Variants in CHD2 observed in about 807,000 individuals in gnomAD.
CHD2 encodes the protein chromodomain helicase DNA binding protein 2, also known as ATP-dependent chromatin remodeler CHD2.
CHD2 carries 28 observed loss-of-function variants against 243.9 expected under a neutral mutation model. That is an observed-to-expected ratio of 0.11 (90% CI 0.09 to 0.16). CHD2 has a LOEUF of 0.16. CHD2 is among the 10% of genes least tolerant of loss of function. CHD2 has a pLI of 1.00. For synonymous variants in CHD2, 775 were observed against 779.0 expected (o/e 0.99, Z 0.09); for missense variants, 1,386 against 2,209.8 (o/e 0.63, Z 7.47).
chr15:92,932,289 C>CTT (rs34925592), intron 5 of CHD2, among the ~76,000 whole-genome samples: 29 of 139,892 alleles, frequency 2.1e-4, no homozygotes, highest in Middle Eastern at 3.5e-3. Context: ...AGTTGCACAT[C>CTT]TTTTTTTTTT....
chr15:92,940,386 G>T (rs1021414407), intron 7 of CHD2, among the ~76,000 whole-genome samples: 12 of 152,086 alleles, frequency 7.9e-5, no homozygotes, highest in African/African-American at 2.9e-4. Flanking sequence ...GATGGAGGTT[G>T]CAGTGAGTTG....
chr15:92,981,422 A>G lies in CHD2; in HGVS notation c.3031A>G (p.Thr1011Ala), dbSNP rs2053978897. 6.2e-7 allele frequency: 1 copy of G among 1,613,858 alleles called. No individual in the cohort carries two copies. The highest frequency in any genetic ancestry group is 8.5e-7 in the Non-Finnish European group (1 of 1,179,772). The change falls in exon 24 of 39, where the codon ACA becomes GCA. Residue 1011 changes from threonine (T) to alanine (A), a missense_variant. Physicochemically the swap from Thr to Ala is moderately conservative, Grantham distance 58 (BLOSUM62 0). Coordinates refer to ENST00000394196, the MANE Select transcript of CHD2 (RefSeq NM_001271.4). Reference sequence around the variant, plus strand: ...TGAAACGAGAGAGAATGAAGTGTCAACAAGTGCAACAGATGAACTTCTATC... The same window carrying G: ...TGAAACGAGAGAGAATGAAGTGTCAGCAAGTGCAACAGATGAACTTCTATC... Reference protein sequence around the residue: ...LAETRENEVSTSATDELLSQF... With the variant: ...LAETRENEVSASATDELLSQF...
At chr15:92,902,168 C>T (rs1163000528) in intron 2 of CHD2, 4 of 397,710 alleles carry the variant, frequency 1.0e-5, no homozygotes, top group Admixed American at 4.4e-5. Flanking sequence ...TGATGTATTT[C>T]GACAGAGTCG....
At chr15:93,003,412 C>A (rs16947324) in intron 33 of CHD2, among the ~76,000 whole-genome samples, 1 of 151,884 alleles carries the variant, frequency 6.6e-6, no homozygotes. Context: ...ATAGACCATA[C>A]TGTGATAAAT....
chr15:92,939,268 A>G (rs576604271), intron 6 of CHD2, among the ~76,000 whole-genome samples: 2 of 152,332 alleles, frequency 1.3e-5, no homozygotes, highest in South Asian at 4.1e-4. Flanking sequence ...AAGAGATACT[A>G]TCATGAACAA....
rs760029815 is a variant in CHD2, at chr15:92,971,819, A to G, written c.2244A>G (p.Thr748=). 1.9e-6 allele frequency: 3 copies of G among 1,613,998 alleles called. No homozygotes were observed. Among genetic ancestry groups the G allele is most frequent in the Admixed American group, 3.3e-5 (2 of 60,016 alleles). ...KALAKGTRGS[T]SGFLNIVMEL... is the part of the protein sequence containing the mutation. The stretch of plus-strand genomic sequence containing the variant: ...TTGCCAAAGGAACAAGAGGCAGCAC[A>G]TCTGGTTTTCTTAATATTGTGATGG... Residue 748 remains threonine, a synonymous_variant, in exon 18 of 39, where the codon ACA becomes ACG. Coordinates refer to ENST00000394196, the MANE Select transcript of CHD2 (RefSeq NM_001271.4).
chr15:93,000,513 C>G lies in CHD2; in HGVS notation c.4010C>G (p.Ala1337Gly). Residue 1337 changes from alanine to glycine, a missense_variant and splice_region_variant, in exon 32 of 39, where the codon GCC becomes GGC. Transcript: ENST00000394196. ...TCATCATTTTCTCTCCTTTTCCAGG[C>G]CAAATTAAAGAAGCGGAAGCCTCGG... ...KKGAVTGGEE[A>G]KLKKRKPRVK... 1 of 1,604,490 alleles carries G rather than the reference C, an allele frequency of 6.2e-7. No individual in the cohort carries two copies. The highest frequency in any genetic ancestry group is 8.5e-7 in the Non-Finnish European group (1 of 1,176,214).
At chr15:92,922,250 A>G (rs1193491994) in intron 2 of CHD2, among the ~76,000 whole-genome samples, 2 of 151,788 alleles carry the variant, frequency 1.3e-5, no homozygotes, top group Non-Finnish European at 1.5e-5. Context: ...GCCAAGTTAC[A>G]TAAAAGAGGT....
At chr15:92,950,543 G>A (rs937152751) in intron 13 of CHD2, 25 of 152,000 alleles carry the variant, frequency 1.6e-4, no homozygotes, top group African/African-American at 6.0e-4. Context: ...TCCTTATTTA[G>A]AATTAGAAGT....
chr15:92,945,804 A>AT lies in CHD2; in HGVS notation c.1154-11dup. 2 of 1,516,416 alleles carry AT rather than the reference A, an allele frequency of 1.3e-6. No individual in the cohort carries two copies. Among genetic ancestry groups the AT allele is most frequent in the Admixed American group, 2.1e-5 (1 of 48,184 alleles). The allele number at this position is 1,516,416 out of a possible 1,614,324, so 93.9% of individuals were successfully genotyped here. ...ATTGTGTTTATAACTTTTCTGTCTTATTTTTTATTTGTTTAGCTGTGAAGA... is the reference window on the plus strand; with the variant it reads ...ATTGTGTTTATAACTTTTCTGTCTTATTTTTTTATTTGTTTAGCTGTGAAGA... On this transcript the variant is annotated splice_polypyrimidine_tract_variant and intron_variant, in intron 10 of 38. Coordinates refer to ENST00000394196, the MANE Select transcript of CHD2 (RefSeq NM_001271.4).
intron 34 of CHD2, 116 bp downstream of exon 34, chr15:93,004,867 GA>G: frequency 9.5e-7 from 1 of 1,054,026 alleles, no homozygotes; most frequent in East Asian, 2.6e-5. Flanking sequence ...CATTACTTGG[GA>G]AACACATTGC....
chr15:92,962,176 G>A (rs776583937), intron 16 of CHD2, among the ~76,000 whole-genome samples: 3 of 151,668 alleles, frequency 2.0e-5, no homozygotes, highest in East Asian at 1.9e-4. Context: ...CCCCGTGCCC[G>A]GACCCTCTGT....
In CHD2 at chr15:93,024,509, C is replaced by G. The variant is rs1261364517; in HGVS notation, c.5291C>G (p.Ser1764Cys). 2.5e-6 allele frequency: 4 copies of G among 1,614,102 alleles called. No homozygotes were observed. The highest frequency in any genetic ancestry group is 3.4e-6 in the Non-Finnish European group (4 of 1,180,056). The change falls in exon 39 of 39, where the codon TCT becomes TGT. Residue 1764 changes from serine to cysteine, a missense_variant. Ser to Cys is a moderately radical substitution (Grantham distance 112, BLOSUM62 -1). This residue lies in a region of CHD2 where 347 missense variants were observed against 341.6 expected (regional missense o/e 1.02). Coordinates refer to ENST00000394196, the MANE Select transcript of CHD2 (RefSeq NM_001271.4). Reference protein sequence around the residue: ...HGQGPSDHYRSFHTDKLGEYK... With the variant: ...HGQGPSDHYRCFHTDKLGEYK... Reference sequence around the variant, plus strand: ...CAGGGACCCTCAGACCATTACCGCTCTTTCCACACAGATAAACTGGGGGAA... The same window carrying G: ...CAGGGACCCTCAGACCATTACCGCTGTTTCCACACAGATAAACTGGGGGAA...
chr15:92,991,340 T>G, intron 26 of CHD2, 136 bp from the exon 27 acceptor site: 1 of 513,256 alleles, frequency 1.9e-6, no homozygotes, highest in South Asian at 3.3e-5. Flanking sequence ...ATTCATTTTT[T>G]TGGTAGTGCA....
At chr15:92,935,549 T>A (rs551341614) in intron 5 of CHD2, among the ~76,000 whole-genome samples, 1 of 152,212 alleles carries the variant, frequency 6.6e-6, no homozygotes, top group African/African-American at 2.4e-5. Context: ...GGTGAATCTT[T>A]CTTATCTGAA....
chr15:92,916,135 G>T (rs1044116686), intron 2 of CHD2, among the ~76,000 whole-genome samples: 10 of 152,128 alleles, frequency 6.6e-5, no homozygotes, highest in Non-Finnish European at 1.2e-4. Context: ...CCAGTTGTCC[G>T]GCCTTTCCAG....
intron 13 of CHD2, among the ~76,000 whole-genome samples, chr15:92,950,103 C>T (rs896934148): frequency 6.6e-6 from 1 of 152,116 alleles, no homozygotes; most frequent in African/African-American, 2.4e-5. Context: ...CTGGGAAATG[C>T]CTGGGCACGT....
intron 18 of CHD2, 38 bp from the exon 19 acceptor site, chr15:92,972,227 T>A: frequency 6.3e-7 from 1 of 1,589,794 alleles, no homozygotes. Flanking sequence ...AAAATTTGTG[T>A]TTCAACATAA....
chr15:92,996,875 G>A, intron 28 of CHD2, 82 bp from the exon 29 acceptor site: 1 of 1,326,052 alleles, frequency 7.5e-7, no homozygotes, highest in Non-Finnish European at 1.0e-6. Context: ...GAGAGACTAA[G>A]AGGTCAGGGT....
Sources: gnomAD v4.1 joint callset for allele counts (sites outside exome capture counted in the v4.1 genomes callset) on GRCh38, gnomAD v4.1.1 for gene constraint, gnomAD v4.1.1 regional missense constraint, MANE v1.5 for transcripts, NCBI Gene and HGNC (gene_info 2026-07-23, HGNC 2026-07-21) for gene names.